The following FEZ1 variants were observed in gnomAD, a reference collection of about 807,000 sequenced individuals.
FEZ1 encodes fasciculation and elongation protein zeta-1.
Under a neutral mutation model 49.3 loss-of-function variants are expected in FEZ1, and 20 were observed. The ratio of observed to expected loss-of-function variants is 0.41; its 90% CI spans 0.29 to 0.59. The LOEUF (loss-of-function observed/expected upper bound fraction) is 0.59, where lower values mean the gene tolerates loss of function less well. FEZ1 is among the 20% of genes least tolerant of loss of function. The pLI is 0.36. For synonymous variants in FEZ1, 170 were observed against 180.9 expected, an observed-to-expected ratio of 0.94 and a Z score of 0.48; for missense variants, 413 against 476.0, an observed-to-expected ratio of 0.87 and a Z score of 1.23.
chr11:125,480,372 T>G (rs2135776360), intron 3 of FEZ1, among the ~76,000 whole-genome samples: 1 of 151,880 alleles, frequency 6.6e-6, no homozygotes, highest in Non-Finnish European at 1.5e-5. Context: ...GGCGACACAG[T>G]GAGACCCTGT....
At chr11:125,460,196 T>G (rs1957060419) in intron 5 of FEZ1, 1 of 255,126 alleles carries the variant, frequency 3.9e-6, no homozygotes, top group African/African-American at 2.2e-5. Context: ...TTCATTGATT[T>G]TATGGTAGCA....
At position 125,489,371 on chromosome 11, in the gene FEZ1, C is replaced by T. The variant is rs1957358873; in HGVS notation, c.311+96G>A. ...GGCAACACGAAAATGAAAGTAATAGCCCATAAACCTATAGACAGAAACCAG... is the reference window on the plus strand; with the variant it reads ...GGCAACACGAAAATGAAAGTAATAGTCCATAAACCTATAGACAGAAACCAG... On this transcript the variant is annotated intron_variant, in intron 2 of 9. Transcript: ENST00000278919. The surrounding 1 kb of genome is among the most constrained non-coding windows in gnomAD (Gnocchi z 4.2). The T allele has an allele frequency of 6.6e-7, 1 of 1,509,264 alleles. No individual in the cohort carries two copies. The highest frequency in any genetic ancestry group is 2.3e-5 in the Admixed American group (1 of 43,556). 93.5% of individuals were successfully genotyped at this position (1,509,264 alleles called of 1,614,324 possible). A position where few individuals can be genotyped will look rare whatever the true frequency, so the allele number is the denominator to read the frequency against.
At position 125,495,053 on chromosome 11, in the gene FEZ1, G is replaced by C. The variant is rs1217506995; in HGVS notation, c.-46+1068C>G. Reference sequence around the variant, plus strand: ...CAGAACCCACCCAGTGTGCATGTTTGTGCACATTTTGACAGAAAAAGTATT... The same window carrying C: ...CAGAACCCACCCAGTGTGCATGTTTCTGCACATTTTGACAGAAAAAGTATT... On this transcript the variant is annotated intron_variant, in intron 1 of 9. Transcript: ENST00000278919. The surrounding 1 kb of genome is among the most constrained non-coding windows in gnomAD (Gnocchi z 4.2). Among the ~76,000 whole-genome samples the C allele has an allele frequency of 1.3e-5, 2 of 152,182 alleles. No individual in the cohort carries two copies. Among genetic ancestry groups the C allele is most frequent in the East Asian group, 3.8e-4 (2 of 5,198 alleles).
chr11:125,477,563 T>A (rs1957243076), intron 3 of FEZ1, among the ~76,000 whole-genome samples: 1 of 152,100 alleles, frequency 6.6e-6, no homozygotes, highest in Non-Finnish European at 1.5e-5. Context: ...GCAAGCCTTC[T>A]ATATGCAAAC....
At position 125,463,521 on chromosome 11, in the gene FEZ1, G is replaced by GA. The variant is rs1446707057; in HGVS notation, c.460dup (p.Ser154PhefsTer16). The GA allele has an allele frequency of 6.2e-7, 1 of 1,611,226 alleles. No individual in the cohort carries two copies. Among genetic ancestry groups the GA allele is most frequent in the Non-Finnish European group, 8.5e-7 (1 of 1,177,514 alleles). On this transcript the variant is annotated frameshift_variant, in exon 4 of 10. Transcript: ENST00000278919. LOFTEE classifies it high-confidence loss of function. ...GAGCAGAGGCTCCTCGTTGATACCG[G>GA]AATCATTTTCACTCTTCTCATTGAA... is the stretch of plus-strand genomic sequence containing the variant.
chr11:125,487,145 CA>C (rs1172941262), intron 2 of FEZ1, among the ~76,000 whole-genome samples: 1 of 152,070 alleles, frequency 6.6e-6, no homozygotes, highest in Non-Finnish European at 1.5e-5. Context: ...TGCTAGAAGA[CA>C]GTAAGAATCT....
chr11:125,486,246 G>A (rs564188280), intron 2 of FEZ1, among the ~76,000 whole-genome samples: 1 of 152,246 alleles, frequency 6.6e-6, no homozygotes, highest in South Asian at 2.1e-4. Context: ...TAGCCCCTCT[G>A]TCTTCAGGGT....
At chr11:125,468,002 T>G (rs1467584729) in intron 3 of FEZ1, among the ~76,000 whole-genome samples, 1 of 152,132 alleles carries the variant, frequency 6.6e-6, no homozygotes, top group African/African-American at 2.4e-5. Flanking sequence ...GTAAAAGTGG[T>G]AAATTGTGAA....
chr11:125,489,865 A>T lies in FEZ1; in HGVS notation c.-45-43T>A. On this transcript the variant is annotated intron_variant, in intron 1 of 9. Coordinates refer to ENST00000278919, the MANE Select transcript of FEZ1 (RefSeq NM_005103.5). This position sits in a 1 kb window ranked among gnomAD's most constrained non-coding sequence, Gnocchi z 4.2. ...CGTAATGTGAGTTTAGACCAGGCTA[A>T]TCTAAATAATAGAGTTAACTTTAGA... The T allele has an allele frequency of 6.8e-7, 1 of 1,463,946 alleles. No homozygotes were observed. The allele number at this position is 1,463,946 out of a possible 1,614,324, so 90.7% of individuals were successfully genotyped here.
At chr11:125,494,234 G>A (rs1195339258) in intron 1 of FEZ1, among the ~76,000 whole-genome samples, 1 of 152,240 alleles carries the variant, frequency 6.6e-6, no homozygotes, top group Non-Finnish European at 1.5e-5. Flanking sequence ...ACCTCAGGCT[G>A]TGGCACAGAT....
chr11:125,462,226 T>C (rs1439133704), intron 4 of FEZ1, among the ~76,000 whole-genome samples: 2 of 152,258 alleles, frequency 1.3e-5, no homozygotes, highest in East Asian at 1.9e-4. Context: ...ACTTATGTAG[T>C]GTTTAGCTCA....
Position 125,467,952 on chromosome 11 carries a change from C to T in FEZ1, c.412-4382G>A, listed in dbSNP as rs763829195. 2.1e-4 allele frequency among the ~76,000 whole-genome samples: 32 copies of T among 152,144 alleles called. 1 individual carries two copies. The highest frequency in any genetic ancestry group is 3.3e-4 in the Admixed American group (5 of 15,280). Reference sequence around the variant, plus strand: ...TAAGGTAAAAGGAGACTGTGTTTTACATCACAGGAATAGAATAGATTGATG... The same window carrying T: ...TAAGGTAAAAGGAGACTGTGTTTTATATCACAGGAATAGAATAGATTGATG... On this transcript the variant is annotated intron_variant, in intron 3 of 9. Transcript: ENST00000278919.
At chr11:125,455,743 G>T in intron 6 of FEZ1, 92 bp downstream of exon 6, 1 of 1,336,020 alleles carries the variant, frequency 7.5e-7, no homozygotes, top group Non-Finnish European at 1.1e-6. Context: ...CTCGGTAAAC[G>T]TTGATGAGTC....
chr11:125,446,581 G>C (rs1956901074), intron 9 of FEZ1, among the ~76,000 whole-genome samples: 1 of 152,140 alleles, frequency 6.6e-6, no homozygotes, highest in African/African-American at 2.4e-5. Flanking sequence ...AACCTCCTTT[G>C]AGAAATGTGC....
intron 3 of FEZ1, among the ~76,000 whole-genome samples, chr11:125,466,666 C>A (rs906192658): frequency 3.9e-5 from 6 of 152,116 alleles, no homozygotes; most frequent in African/African-American, 1.4e-4. Flanking sequence ...AAGAGTGTGT[C>A]TCTAGGACTA....
intron 3 of FEZ1, among the ~76,000 whole-genome samples, chr11:125,479,167 C>T (rs1324837481): frequency 1.3e-5 from 2 of 152,162 alleles, no homozygotes; most frequent in African/African-American, 4.8e-5. Context: ...TCAATGAAGC[C>T]TTGAGGTTTT....
rs1432599520 is a variant in FEZ1, at chr11:125,456,078, C to T, written c.696G>A (p.Leu232=). 15 of 1,606,064 alleles carry T rather than the reference C, an allele frequency of 9.3e-6. No individual in the cohort carries two copies. The highest frequency in any genetic ancestry group is 1.3e-5 in the Non-Finnish European group (15 of 1,176,822). Reference sequence around the variant, plus strand: ...CCTCCACCTGGTCCAGCAGCTCGGTCAGCTCAGACCCAGACATGTGCCTCA... The same window carrying T: ...CCTCCACCTGGTCCAGCAGCTCGGTTAGCTCAGACCCAGACATGTGCCTCA... ...EGLRHMSGSE[L]TELLDQVEGA... is the part of the protein sequence containing the mutation. The change falls in exon 6 of 10, where the codon CTG becomes CTA. Residue 232 remains leucine (L), a synonymous_variant. Transcript: ENST00000278919.
At chr11:125,492,321 C>T (rs1410029940) in intron 1 of FEZ1, among the ~76,000 whole-genome samples, 1 of 152,228 alleles carries the variant, frequency 6.6e-6, no homozygotes, top group Non-Finnish European at 1.5e-5. Flanking sequence ...TAGACCCCTG[C>T]AGGCTCTTTG....
rs78285747 is a variant in FEZ1 at position 125,483,610 on chromosome 11, C to T, written c.312-1977G>A. ...AGACAAAACTCCAAGGCACCACACC[C>T]GCTGGAAAGGTCACTGCAGGACTAC... On this transcript the variant is annotated intron_variant, in intron 2 of 9. Transcript: ENST00000278919. Among the ~76,000 whole-genome samples the T allele has an allele frequency of 7.2e-3, 1,104 of 152,312 alleles. 13 individuals are homozygous for T. The highest frequency in any genetic ancestry group is 0.025 in the African/African-American group (1,053 of 41,576).
Sources: gnomAD v4.1 joint callset for allele counts (sites outside exome capture counted in the v4.1 genomes callset) on GRCh38, gnomAD v4.1.1 for gene constraint, Gnocchi (gnomAD v3.1) non-coding constraint, MANE v1.5 for transcripts, NCBI Gene and HGNC (gene_info 2026-07-23, HGNC 2026-07-21) for gene names.